Variants in AGBL4 observed in about 807,000 individuals in gnomAD.
AGBL4 encodes the protein cytosolic carboxypeptidase 6.
In AGBL4, 58 loss-of-function variants were observed where a neutral mutation model predicts 66.4. The observed-to-expected ratio is 0.87, with a 90% CI of 0.71 to 1.09. AGBL4 has a LOEUF of 1.09. Among genes scored for constraint, AGBL4 ranks in the 50% least tolerant of loss-of-function variants. The probability of loss-of-function intolerance (pLI) is 0.00; values close to 1 mark genes in which losing one functional copy is unlikely to be tolerated. For missense variants in AGBL4, 579 were observed against 631.0 expected, an observed-to-expected ratio of 0.92 and a Z score of 0.88; for synonymous variants, 234 against 222.9, an observed-to-expected ratio of 1.05 and a Z score of -0.44.
chr1:50,021,117 CTAGTTTTT>C (rs1349625213), intron 1 of AGBL4, among the ~76,000 whole-genome samples: 3 of 152,196 alleles, frequency 2.0e-5, no homozygotes. Flanking sequence ...GTTGCTAAAT[CTAGTTTTT>C]TAGCCCTTCA....
chr1:48,727,583 A>G (rs1297221371), intron 6 of AGBL4: 3 of 203,978 alleles, frequency 1.5e-5, no homozygotes, highest in African/African-American at 4.6e-5. Flanking sequence ...GTCCTTGGAT[A>G]GTAAAAATAT....
chr1:48,669,692 C>T (rs1405949283), intron 6 of AGBL4, among the ~76,000 whole-genome samples: 1 of 152,188 alleles, frequency 6.6e-6, no homozygotes, highest in Admixed American at 6.5e-5. Flanking sequence ...ACTGTGTCCT[C>T]ACCCTCCTCT....
chr1:48,985,216 C>T (rs1660086665), intron 5 of AGBL4, among the ~76,000 whole-genome samples: 1 of 152,034 alleles, frequency 6.6e-6, no homozygotes, highest in Non-Finnish European at 1.5e-5. Flanking sequence ...AGTTTATAGG[C>T]CAGGGCACAG....
intron 2 of AGBL4, among the ~76,000 whole-genome samples, chr1:49,706,049 G>T (rs999603114): frequency 6.6e-6 from 1 of 152,146 alleles, no homozygotes; most frequent in Admixed American, 6.5e-5. Context: ...GTATCAAGAT[G>T]AGGCTGGACT....
At chr1:49,604,140 G>C (rs1363796324) in intron 3 of AGBL4, among the ~76,000 whole-genome samples, 2 of 152,058 alleles carry the variant, frequency 1.3e-5, no homozygotes, top group Non-Finnish European at 2.9e-5. Context: ...TTAGTTCTTT[G>C]AGAAATCTCC....
At chr1:49,078,689 T>C (rs1000796018) in intron 4 of AGBL4, among the ~76,000 whole-genome samples, 2 of 152,182 alleles carry the variant, frequency 1.3e-5, no homozygotes, top group African/African-American at 4.8e-5. Context: ...TGGGCCACTG[T>C]AGCAGCCTCT....
intron 3 of AGBL4, among the ~76,000 whole-genome samples, chr1:49,633,598 G>T (rs998168140): frequency 5.9e-5 from 9 of 152,212 alleles, no homozygotes; most frequent in Admixed American, 5.9e-4. Context: ...GTTTGAGGCT[G>T]CAGAGAGCTA....
intron 5 of AGBL4, among the ~76,000 whole-genome samples, chr1:49,025,178 T>C (rs925625622): frequency 1.3e-5 from 2 of 152,134 alleles, no homozygotes; most frequent in African/African-American, 4.8e-5. Context: ...AGAGAGTGGA[T>C]AAACAAACAA....
At chr1:49,261,723 G>A (rs1570262116) in intron 3 of AGBL4, among the ~76,000 whole-genome samples, 2 of 149,400 alleles carry the variant, frequency 1.3e-5, no homozygotes, top group African/African-American at 2.4e-5. Flanking sequence ...TCGTGAAAAT[G>A]GCCATACTGC....
intron 3 of AGBL4, among the ~76,000 whole-genome samples, chr1:49,561,564 T>C (rs914315301): frequency 1.3e-5 from 2 of 151,994 alleles, no homozygotes; most frequent in Non-Finnish European, 2.9e-5. Context: ...GGTTTTTGGT[T>C]TTTTGTCCTT....
chr1:49,083,500 C>A (rs1644843755), intron 4 of AGBL4, among the ~76,000 whole-genome samples: 1 of 152,224 alleles, frequency 6.6e-6, no homozygotes, highest in South Asian at 2.1e-4. Context: ...TGAAGCTGAA[C>A]CTTGGCCCCT....
chr1:48,614,342 AT>A (rs1446692552), intron 9 of AGBL4, among the ~76,000 whole-genome samples: 1 of 152,222 alleles, frequency 6.6e-6, no homozygotes, highest in East Asian at 1.9e-4. Context: ...AAGTTTTCTC[AT>A]TTGTAAAATG....
At chr1:49,964,525 T>A (rs1325649781) in intron 1 of AGBL4, among the ~76,000 whole-genome samples, 1 of 152,194 alleles carries the variant, frequency 6.6e-6, no homozygotes, top group East Asian at 1.9e-4. Flanking sequence ...GCTAATATTA[T>A]AATCATTGAT....
At chr1:49,957,142 GAAATAAGAGCTGTAATT>G (rs1372995917) in intron 1 of AGBL4, among the ~76,000 whole-genome samples, 16 of 152,064 alleles carry the variant, frequency 1.1e-4, no homozygotes, top group Non-Finnish European at 2.2e-4. Flanking sequence ...GGGCACAGTG[GAAATAAGAGCTGTAATT>G]AAATAAGAGT....
intron 3 of AGBL4, among the ~76,000 whole-genome samples, chr1:49,596,362 G>T (rs1415244830): frequency 1.3e-5 from 2 of 152,048 alleles, no homozygotes; most frequent in Non-Finnish European, 2.9e-5. Context: ...GTAGAGACAG[G>T]GTTTCACCAT....
chr1:49,399,350 G>T (rs1338723971), intron 3 of AGBL4, among the ~76,000 whole-genome samples: 1 of 152,044 alleles, frequency 6.6e-6, no homozygotes, highest in Non-Finnish European at 1.5e-5. Flanking sequence ...TTTCTTTTGG[G>T]TATATTCCTA....
At chr1:48,805,865 T>C (rs1645912047) in intron 6 of AGBL4, among the ~76,000 whole-genome samples, 1 of 152,208 alleles carries the variant, frequency 6.6e-6, no homozygotes, top group East Asian at 1.9e-4. Flanking sequence ...GAGAATATTC[T>C]CTAAGGGCTG....
At chr1:49,667,716 T>C (rs995439745) in intron 3 of AGBL4, among the ~76,000 whole-genome samples, 2 of 152,094 alleles carry the variant, frequency 1.3e-5, no homozygotes, top group African/African-American at 4.8e-5. Flanking sequence ...CAAGTTGAAC[T>C]AGAAGCAAAA....
At chr1:48,537,992 A>T (rs563788522) in intron 12 of AGBL4, among the ~76,000 whole-genome samples, 1 of 152,334 alleles carries the variant, frequency 6.6e-6, no homozygotes, top group Admixed American at 6.5e-5. Flanking sequence ...GAATGAATGT[A>T]TACATGCACG....
Sources: gnomAD v4.1 joint callset for allele counts (sites outside exome capture counted in the v4.1 genomes callset) on GRCh38, gnomAD v4.1.1 for gene constraint, MANE v1.5 for transcripts, NCBI Gene and HGNC (gene_info 2026-07-23, HGNC 2026-07-21) for gene names.